SLCO3A1: variants seen among roughly 807,000 people sequenced by gnomAD.
The protein encoded by SLCO3A1 is solute carrier organic anion transporter family member 3A1, also known as PGE1 transporter.
In SLCO3A1, 27 loss-of-function variants were observed where a neutral mutation model predicts 63.1. The observed-to-expected ratio is 0.43, with a 90% CI of 0.32 to 0.59. SLCO3A1 has a LOEUF of 0.59. Ranked by LOEUF, SLCO3A1 falls within the 20% of genes least tolerant of loss-of-function variation. The pLI is 0.09. For missense variants in SLCO3A1, 773 were observed against 945.8 expected, an observed-to-expected ratio of 0.82 and a Z score of 2.40; for synonymous variants, 473 against 409.9, an observed-to-expected ratio of 1.15 and a Z score of -1.86.
chr15:92,131,137 T>C (rs1324757739), intron 7 of SLCO3A1, among the ~76,000 whole-genome samples: 1 of 152,134 alleles, frequency 6.6e-6, no homozygotes, highest in Admixed American at 6.5e-5. Flanking sequence ...CCCAAGGCCA[T>C]GCAATAGGAA....
intron 2 of SLCO3A1, among the ~76,000 whole-genome samples, chr15:92,029,651 T>C (rs1192554009): frequency 6.7e-6 from 1 of 149,588 alleles, no homozygotes; most frequent in Non-Finnish European, 1.5e-5. Context: ...TTGACTGTTT[T>C]TTTTCCCCTC....
At chr15:92,097,896 G>A (rs1269694926) in intron 3 of SLCO3A1, 1 of 152,276 alleles carries the variant, frequency 6.6e-6, no homozygotes, top group African/African-American at 2.4e-5. Context: ...CTGTATTTGA[G>A]GAGGGGATTC....
In SLCO3A1 at chr15:91,856,492, A is replaced by T. The variant is rs73547359; in HGVS notation, c.180+2404A>T. On this transcript the variant is annotated intron_variant, in intron 1 of 9. Transcript: ENST00000318445. This position sits in a 1 kb window ranked among gnomAD's most constrained non-coding sequence, Gnocchi z 4.9. ...GTTTTCTCTTCATCTGTTATTTGGG[A>T]GATGGGGAAAAAAAGTTTGCTCCTT... 6.0e-3 allele frequency among the ~76,000 whole-genome samples: 907 copies of T among 151,986 alleles called. 6 individuals are homozygous for T. Among genetic ancestry groups the T allele is most frequent in the African/African-American group, 0.02 (837 of 41,444 alleles).
chr15:92,105,227 T>A (rs1001675952), intron 4 of SLCO3A1, among the ~76,000 whole-genome samples: 22 of 152,068 alleles, frequency 1.4e-4, no homozygotes, highest in African/African-American at 4.8e-4. Context: ...TGAGCCAAGA[T>A]TGAGCCACTG....
At position 91,865,184 on chromosome 15, in the gene SLCO3A1, GTACTT is replaced by G. The variant is rs1187761921; in HGVS notation, c.180+11099_180+11103del. Among the ~76,000 whole-genome samples, 1 of 152,184 alleles carries G rather than the reference GTACTT, an allele frequency of 6.6e-6. No homozygotes were observed. Among genetic ancestry groups the G allele is most frequent in the Non-Finnish European group, 1.5e-5 (1 of 68,040 alleles). ...TCCTGGACTAATTCTGAGCTCTTTT[GTACTT>G]TATTTGGGAACAGGAATAAGTGGGG... is the stretch of plus-strand genomic sequence containing the variant. On this transcript the variant is annotated intron_variant, in intron 1 of 9. Transcript: ENST00000318445. The surrounding 1 kb of genome is among the most constrained non-coding windows in gnomAD (Gnocchi z 4.6).
chr15:91,991,985 C>T (rs949543801), intron 2 of SLCO3A1, among the ~76,000 whole-genome samples: 2 of 152,182 alleles, frequency 1.3e-5, no homozygotes, highest in African/African-American at 4.8e-5. Context: ...GCTGGGATGG[C>T]ACCAGAGTGA....
chr15:91,950,160 T>C lies in SLCO3A1; in HGVS notation c.646+33702T>C, dbSNP rs1899950144. On this transcript the variant is annotated intron_variant, in intron 2 of 9. Coordinates refer to ENST00000318445, the MANE Select transcript of SLCO3A1 (RefSeq NM_013272.4). This position sits in a 1 kb window ranked among gnomAD's most constrained non-coding sequence, Gnocchi z 4.4. ...TTGAAGCTGCCCCTGGGGAAGAAAGTTGTAACAGGCAGAGGAAGCAGCTGG... is the reference window on the plus strand; with the variant it reads ...TTGAAGCTGCCCCTGGGGAAGAAAGCTGTAACAGGCAGAGGAAGCAGCTGG... Among the ~76,000 whole-genome samples the C allele has an allele frequency of 6.6e-6, 1 of 152,108 alleles. No individual in the cohort carries two copies. Among genetic ancestry groups the C allele is most frequent in the Non-Finnish European group, 1.5e-5 (1 of 68,016 alleles).
At position 91,885,644 on chromosome 15, in the gene SLCO3A1, C is replaced by T. The variant is rs1412693582; in HGVS notation, c.181-30349C>T. Among the ~76,000 whole-genome samples the T allele has an allele frequency of 6.6e-6, 1 of 152,206 alleles. No individual in the cohort carries two copies. The highest frequency in any genetic ancestry group is 6.5e-5 in the Admixed American group (1 of 15,282). ...ACTGATGGCCCTTGAACAAGTGCAT[C>T]ATTCTCTGTCCTTGATTTCATTCAC... On this transcript the variant is annotated intron_variant, in intron 1 of 9. Transcript: ENST00000318445. The surrounding 1 kb of genome is among the most constrained non-coding windows in gnomAD (Gnocchi z 4.7).
chr15:91,853,843 G>C lies in SLCO3A1; in HGVS notation c.-66G>C, dbSNP rs1239105216. ...GAGGCGCGCACCCCCGCCCGGCAGCGGCCCCGACACCCGGGGCGAGCGGGA... is the reference window on the plus strand; with the variant it reads ...GAGGCGCGCACCCCCGCCCGGCAGCCGCCCCGACACCCGGGGCGAGCGGGA... On this transcript the variant is annotated 5_prime_UTR_variant, in exon 1 of 10. Coordinates refer to ENST00000318445, the MANE Select transcript of SLCO3A1 (RefSeq NM_013272.4). 5.6e-5 allele frequency: 68 copies of C among 1,218,320 alleles called. No individual in the cohort carries two copies. Among genetic ancestry groups the C allele is most frequent in the Non-Finnish European group, 6.9e-5 (68 of 981,250 alleles). 75.5% of individuals were successfully genotyped at this position (1,218,320 alleles called of 1,614,324 possible).
rs1276102751 is a variant in SLCO3A1 at position 91,900,573 on chromosome 15, C to T, written c.181-15420C>T. Reference sequence around the variant, plus strand: ...CAAACTGCTGACCTCAGGTGATCCGCCCGCCTTGGCCTCCCAAAGTGCTGG... The same window carrying T: ...CAAACTGCTGACCTCAGGTGATCCGTCCGCCTTGGCCTCCCAAAGTGCTGG... On this transcript the variant is annotated intron_variant, in intron 1 of 9. Coordinates refer to ENST00000318445, the MANE Select transcript of SLCO3A1 (RefSeq NM_013272.4). The surrounding 1 kb of genome is among the most constrained non-coding windows in gnomAD (Gnocchi z 4.3). 2.6e-5 allele frequency among the ~76,000 whole-genome samples: 4 copies of T among 152,322 alleles called. No homozygotes were observed. The East Asian group carries it at 5.8e-4, about 22-fold the overall frequency.
At chr15:92,144,116 TG>T in intron 7 of SLCO3A1, among the ~76,000 whole-genome samples, 1 of 152,342 alleles carries the variant, frequency 6.6e-6, no homozygotes, top group East Asian at 1.9e-4. Context: ...CTGGGAGAAA[TG>T]GCCTCAGCTT....
intron 2 of SLCO3A1, among the ~76,000 whole-genome samples, chr15:91,927,260 C>G (rs1899063055): frequency 6.6e-6 from 1 of 151,994 alleles, no homozygotes; most frequent in Non-Finnish European, 1.5e-5. Context: ...ATTTTCTGTG[C>G]TGGTTTGAAC....
chr15:92,028,166 T>C (rs2046599278), intron 2 of SLCO3A1, among the ~76,000 whole-genome samples: 1 of 152,036 alleles, frequency 6.6e-6, no homozygotes, highest in South Asian at 2.1e-4. Context: ...CAGCACACAG[T>C]GGGGGAGGCT....
intron 2 of SLCO3A1, among the ~76,000 whole-genome samples, chr15:91,983,572 C>G (rs373106796): frequency 6.6e-6 from 1 of 152,184 alleles, no homozygotes; most frequent in African/African-American, 2.4e-5. Context: ...TGAATTTCTC[C>G]TGAGAGCTCA....
chr15:91,895,723 G>T (rs1266396782), intron 1 of SLCO3A1, among the ~76,000 whole-genome samples: 3 of 152,180 alleles, frequency 2.0e-5, no homozygotes, highest in Non-Finnish European at 4.4e-5. Flanking sequence ...AACACTTAGG[G>T]TTATTGCACC....
chr15:91,899,071 A>G (rs928027795), intron 1 of SLCO3A1, among the ~76,000 whole-genome samples: 4 of 152,220 alleles, frequency 2.6e-5, no homozygotes, highest in African/African-American at 9.6e-5. Flanking sequence ...AGAGTCATCA[A>G]TGAGGTTTAA....
At chr15:92,133,330 G>A (rs779297647) in intron 7 of SLCO3A1, among the ~76,000 whole-genome samples, 1 of 146,444 alleles carries the variant, frequency 6.8e-6, no homozygotes, top group East Asian at 1.9e-4. Context: ...TCATCATTCA[G>A]TCTCTTTTTT....
chr15:92,105,218 G>A (rs949522410), intron 4 of SLCO3A1, among the ~76,000 whole-genome samples: 2 of 152,160 alleles, frequency 1.3e-5, no homozygotes, highest in African/African-American at 4.8e-5. Flanking sequence ...AGGTTGCAGT[G>A]AGCCAAGATT....
intron 2 of SLCO3A1, among the ~76,000 whole-genome samples, chr15:92,027,281 T>C (rs2046586807): frequency 6.6e-6 from 1 of 152,248 alleles, no homozygotes; most frequent in South Asian, 2.1e-4. Flanking sequence ...AACGTTCTTT[T>C]AATATCCTTG....
Sources: allele counts gnomAD v4.1 joint callset (sites outside exome capture counted in the v4.1 genomes callset), GRCh38; gene constraint gnomAD v4.1.1; non-coding constraint Gnocchi (gnomAD v3.1); transcripts MANE v1.5; gene names NCBI Gene and HGNC (gene_info 2026-07-23, HGNC 2026-07-21).